PASK: variants seen among roughly 807,000 people sequenced by gnomAD.
The protein encoded by PASK is PAS domain-containing serine/threonine-protein kinase.
A neutral mutation model predicts 121.0 loss-of-function variants in PASK; 110 were observed. The observed-to-expected ratio is 0.91, with a 90% CI of 0.78 to 1.06. The LOEUF (loss-of-function observed/expected upper bound fraction) is 1.06, where lower values mean the gene tolerates loss of function less well. PASK is among the 50% of genes least tolerant of loss of function. The pLI is 0.00. For synonymous variants in PASK, 686 were observed against 717.8 expected, an observed-to-expected ratio of 0.96 and a Z score of 0.71; for missense variants, 1,643 against 1,702.3, an observed-to-expected ratio of 0.97 and a Z score of 0.61.
intron 7 of PASK, among the ~76,000 whole-genome samples, chr2:241,136,429 T>C (rs2066439537): frequency 1.3e-5 from 2 of 152,226 alleles, no homozygotes; most frequent in South Asian, 4.1e-4. Context: ...TGTGGGGCCT[T>C]CCTCCCAGGC....
chr2:241,138,346 A>G (rs1314242169), intron 5 of PASK, among the ~76,000 whole-genome samples: 1 of 152,248 alleles, frequency 6.6e-6, no homozygotes, highest in Non-Finnish European at 1.5e-5. Context: ...CCCAGTTCAC[A>G]TATGAGGGCT....
intron 10 of PASK, 83 bp from the exon 11 acceptor site, chr2:241,124,216 A>T: frequency 1.9e-6 from 2 of 1,077,250 alleles, no homozygotes; most frequent in Admixed American, 3.9e-5. Context: ...TCCAGTCCCC[A>T]GAATGCAACA....
chr2:241,127,229 A>G lies in PASK; in HGVS notation c.1686T>C (p.Ala562=). 6.2e-7 allele frequency: 1 copy of G among 1,614,256 alleles called. No individual in the cohort carries two copies. Among genetic ancestry groups the G allele is most frequent in the Non-Finnish European group, 8.5e-7 (1 of 1,180,046 alleles). The change falls in exon 10 of 18, where the codon GCT becomes GCC. Residue 562 remains alanine (A), a synonymous_variant. Transcript: ENST00000234040. ...CCTTCTGACACAGGCCACACATGCC[A>G]GCATCACTGCCCCCATCCTCAGCTG... ...PVPAEDGGSD[A]GMCGLCQKAQ...
At position 241,142,917 on chromosome 2, in the gene PASK, C is replaced by A; in HGVS notation, c.116G>T (p.Arg39Met). The change falls in exon 2 of 18, where the codon AGG becomes ATG. Residue 39 changes from arginine (R) to methionine (M), a missense_variant. By Grantham distance (91) the Arg-to-Met change is moderately conservative. This residue lies in a region of PASK where 1,176 missense variants were observed against 1,162.2 expected (regional missense o/e 1.01). Transcript: ENST00000234040. ...GTGTCTGTGGGCTGAGGAAAACGAC[C>A]TGCTGGGCTCAGCAGTGGTCTGTGC... ...PAAQTTAEPS[R>M]SFSSAHRHLS... 1.9e-6 allele frequency: 3 copies of A among 1,614,078 alleles called. No homozygotes were observed. The South Asian group carries it at 3.3e-5, about 18-fold the overall frequency.
chr2:241,110,798 G>T (rs1185240356), intron 15 of PASK, among the ~76,000 whole-genome samples: 3 of 152,360 alleles, frequency 2.0e-5, no homozygotes, highest in African/African-American at 7.2e-5. Context: ...GAGCCCACCA[G>T]CGCCCACCAG....
At chr2:241,149,373 T>C in intron 1 of PASK, 41 bp downstream of exon 1, 3 of 382,586 alleles carry the variant, frequency 7.8e-6, no homozygotes, top group Non-Finnish European at 1.4e-5. Context: ...CCTGGGGAGA[T>C]GGCGGAGCCC....
Position 241,108,197 on chromosome 2 carries a change from C to T in PASK, c.3637G>A (p.Ala1213Thr), listed in dbSNP as rs1440557153. The change falls in exon 16 of 18, where the codon GCC becomes ACC. Residue 1213 changes from alanine to threonine, a missense_variant. By Grantham distance (58) the Ala-to-Thr change is moderately conservative (BLOSUM62 0). Around this residue, in one of 3 missense-constraint regions of PASK, gnomAD observed 453 missense variants for 511.2 expected, o/e 0.89. Coordinates refer to ENST00000234040, the MANE Select transcript of PASK (RefSeq NM_015148.4). This position sits in a 1 kb window ranked among gnomAD's most constrained non-coding sequence, Gnocchi z 5.2. ...GACACCAGGTATGGCGGGTGTATGG[C>T]AGCCTCCACGGTCTCCTCCAGCTCA... ...FCELEETVEA[A>T]IHPPYLVSKE... 10 of 1,613,840 alleles carry T rather than the reference C, an allele frequency of 6.2e-6. No homozygotes were observed. The highest frequency in any genetic ancestry group is 8.5e-6 in the Non-Finnish European group (10 of 1,179,978).
At chr2:241,142,230 G>A (rs1048969305) in intron 2 of PASK, among the ~76,000 whole-genome samples, 17 of 152,206 alleles carry the variant, frequency 1.1e-4, no homozygotes, top group Middle Eastern at 3.4e-3. Context: ...ACCATTTCCC[G>A]CAGCTCTATG....
chr2:241,138,836 A>C, intron 4 of PASK, 42 bp from the exon 5 acceptor site: 1 of 1,610,096 alleles, frequency 6.2e-7, no homozygotes, highest in Non-Finnish European at 8.5e-7. Context: ...CCATGAACCC[A>C]AAAGACCAGT....
rs1433672842 is a variant in PASK, at chr2:241,138,797, G to C, written c.601-3C>G. The C allele has an allele frequency of 2.5e-6, 4 of 1,613,870 alleles. No homozygotes were observed. The highest frequency in any genetic ancestry group is 3.4e-6 in the Non-Finnish European group (4 of 1,179,994). On this transcript the variant is annotated splice_polypyrimidine_tract_variant and splice_region_variant and intron_variant, in intron 4 of 17. Transcript: ENST00000234040. ...CCACTACGGCTGATGATGTCCACCT[G>C]TGGAAACAGACAGGTTCACACCTGC...
At chr2:241,148,749 G>T (rs1188066909) in intron 1 of PASK, among the ~76,000 whole-genome samples, 1 of 152,224 alleles carries the variant, frequency 6.6e-6, no homozygotes, top group Non-Finnish European at 1.5e-5. Flanking sequence ...ATCCAGGCAA[G>T]AAATTATAAA....
Position 241,132,988 on chromosome 2 carries a change from G to A in PASK, c.1349C>T (p.Pro450Leu). The A allele has an allele frequency of 1.9e-6, 3 of 1,614,032 alleles. No homozygotes were observed. Among genetic ancestry groups the A allele is most frequent in the Non-Finnish European group, 2.5e-6 (3 of 1,179,958 alleles). Reference sequence around the variant, plus strand: ...CATCAGCTTCCGGATCTCATCTCGGGGCACAACGTGGCCACCAGCAAGCAC... The same window carrying A: ...CATCAGCTTCCGGATCTCATCTCGGAGCACAACGTGGCCACCAGCAAGCAC... ...NVVLAGGHVV[P>L]RDEIRKLMES... Residue 450 changes from proline (P) to leucine (L), a missense_variant, in exon 9 of 18, where the codon CCC becomes CTC. By Grantham distance (98) the Pro-to-Leu change is moderately conservative. Transcript: ENST00000234040.
intron 12 of PASK, among the ~76,000 whole-genome samples, chr2:241,121,450 G>A (rs2065606833): frequency 6.6e-6 from 1 of 151,948 alleles, no homozygotes; most frequent in African/African-American, 2.4e-5. Flanking sequence ...AAAATAGAGG[G>A]GAAAATAACA....
At chr2:241,136,975 C>A in intron 7 of PASK, 29 bp downstream of exon 7, 1 of 1,605,566 alleles carries the variant, frequency 6.2e-7, no homozygotes, top group Admixed American at 1.7e-5. Flanking sequence ...TCCCAGGGAA[C>A]GGGAGCCAGG....
At chr2:241,132,527 T>TAA (rs71049553) in intron 9 of PASK, among the ~76,000 whole-genome samples, 605 of 39,488 alleles carry the variant, frequency 0.015, 32 homozygotes, top group African/African-American at 0.038. Flanking sequence ...AGACTCTGTC[T>TAA]AAAAAAAAAA....
chr2:241,145,006 C>T (rs1237425453), intron 1 of PASK, among the ~76,000 whole-genome samples: 1 of 152,188 alleles, frequency 6.6e-6, no homozygotes, highest in Non-Finnish European at 1.5e-5. Context: ...CTCCGCCTCC[C>T]GGGTTCACGC....
At chr2:241,141,021 T>C (rs1017553850) in intron 2 of PASK, among the ~76,000 whole-genome samples, 4 of 152,220 alleles carry the variant, frequency 2.6e-5, no homozygotes, top group African/African-American at 9.7e-5. Context: ...CAGGCGTGCC[T>C]ATAATCCCAG....
chr2:241,130,394 G>A (rs1365145464), intron 9 of PASK, among the ~76,000 whole-genome samples: 2 of 152,186 alleles, frequency 1.3e-5, no homozygotes, highest in Non-Finnish European at 1.5e-5. Flanking sequence ...AGTCCTGGAA[G>A]ATGAGTTGTG....
rs747226700 is a variant in PASK at position 241,127,424 on chromosome 2, C to G, written c.1491G>C (p.Leu497=). The G allele has an allele frequency of 6.2e-7, 1 of 1,614,130 alleles. No individual in the cohort carries two copies. The highest frequency in any genetic ancestry group is 1.7e-5 in the Admixed American group (1 of 60,028). ...PGVDNVPEGS[L]PVHGEQALPK... The stretch of plus-strand genomic sequence containing the variant: ...GCAGCGCCTGTTCACCGTGCACTGG[C>G]AGGCTTCCTTCTGGGACATTGTCCA... The change falls in exon 10 of 18, where the codon CTG becomes CTC. Residue 497 remains leucine (L), a synonymous_variant. Transcript: ENST00000234040.
Sources: allele counts gnomAD v4.1 joint callset (sites outside exome capture counted in the v4.1 genomes callset), GRCh38; gene constraint gnomAD v4.1.1; regional missense constraint gnomAD v4.1.1; non-coding constraint Gnocchi (gnomAD v3.1); transcripts MANE v1.5; gene names NCBI Gene and HGNC (gene_info 2026-07-23, HGNC 2026-07-21).